NEB: variants seen among roughly 807,000 people sequenced by gnomAD.
The protein encoded by NEB is nemaline myopathy type 2.
In NEB, 512 loss-of-function variants were observed where a neutral mutation model predicts 952.2. The observed-to-expected ratio is 0.54, with a 90% confidence interval of 0.50 to 0.58. NEB has a LOEUF of 0.58. Among genes scored for constraint, NEB ranks in the 20% least tolerant of loss-of-function variants. The pLI, the probability that NEB is intolerant of heterozygous loss-of-function variation, is 0.00. For synonymous variants in NEB, 2,900 were observed against 3,149.8 expected, an observed-to-expected ratio of 0.92 and a Z score of 2.66; for missense variants, 8,428 against 9,231.1, an observed-to-expected ratio of 0.91 and a Z score of 3.56.
Position 151,562,627 on chromosome 2 carries a change from TG to T in NEB, c.18874del (p.Gln6292ArgfsTer4), listed in dbSNP as rs1256221365. The T allele has an allele frequency of 6.3e-7, 1 of 1,578,828 alleles. No individual in the cohort carries two copies. On this transcript the variant is annotated frameshift_variant, in exon 120 of 182. Transcript: ENST00000397345. LOFTEE classifies it high-confidence loss of function. ...ACATCATACATCACTCAAGATCTCC[TG>T]GGCGTTTCGGACGCGTATAACATTG... ...EPNVIRVRNAQEILSDNVYKD... is the reference protein window; with the variant it reads ...EPNVIRVRNAXEILSDNVYKD...
Position 151,646,684 on chromosome 2 carries a change from C to T in NEB, c.7432-450G>A, listed in dbSNP as rs980804456. On this transcript the variant is annotated intron_variant, in intron 54 of 181. Transcript: ENST00000397345. ...CATTATTTTGACACAGAGTCTTACA[C>T]TGCTGCCCAGGCTGGAGTGCAATGG... 6.6e-5 allele frequency among the ~76,000 whole-genome samples: 10 copies of T among 152,280 alleles called. No individual in the cohort carries two copies. In the East Asian group the frequency reaches 1.7e-3, roughly 26 times the overall value.
At chr2:151,656,089 C>A in intron 49 of NEB, 64 bp downstream of exon 49, 1 of 1,584,374 alleles carries the variant, frequency 6.3e-7, no homozygotes, top group African/African-American at 1.3e-5. Flanking sequence ...GGCATGTAAA[C>A]AGACTGTGAT....
chr2:151,491,653 T>C (rs751617027), intron 179 of NEB, 30 bp downstream of exon 179: 3 of 1,492,326 alleles, frequency 2.0e-6, no homozygotes, highest in South Asian at 1.2e-5. Context: ...TGGTGATGTT[T>C]ATGTTGTAAG....
chr2:151,535,509 T>C (rs539103036), intron 142 of NEB, among the ~76,000 whole-genome samples, 182 bp downstream of exon 142: 3 of 152,202 alleles, frequency 2.0e-5, no homozygotes, highest in South Asian at 2.1e-4. Context: ...CTTGTTCTTA[T>C]TTGTAGTTTG....
intron 144 of NEB, 48 bp downstream of exon 144, chr2:151,531,744 C>G (rs778422666): frequency 2.2e-6 from 3 of 1,387,018 alleles, no homozygotes; most frequent in Non-Finnish European, 3.0e-6. Flanking sequence ...TCCATGTTTG[C>G]AGATGCCCCC....
rs922194194 is a variant in NEB at position 151,688,475 on chromosome 2, T to C, written c.2311-79A>G. The C allele has an allele frequency of 3.7e-6, 4 of 1,082,812 alleles. No homozygotes were observed. In the African/African-American group the frequency reaches 6.2e-5, roughly 17 times the overall value. 67.1% of individuals were successfully genotyped at this position (1,082,812 alleles called of 1,614,324 possible). On this transcript the variant is annotated intron_variant, in intron 24 of 181. Coordinates refer to ENST00000397345, the MANE Select transcript of NEB (RefSeq NM_001164508.2). ...AGGGCAGCATATATAGCTAAGGCAT[T>C]AGTGCTGTTTTTAGAAAAATGCCTC...
intron 40 of NEB, 113 bp from the exon 41 acceptor site, chr2:151,666,514 C>A: frequency 2.9e-6 from 3 of 1,044,790 alleles, no homozygotes; most frequent in Non-Finnish European, 4.0e-6. Context: ...TAGGTAACAT[C>A]GAAGTTTTTT....
chr2:151,663,511 C>T, intron 45 of NEB, 37 bp downstream of exon 45: 1 of 1,555,754 alleles, frequency 6.4e-7, no homozygotes, highest in Non-Finnish European at 8.7e-7. Flanking sequence ...TGCTTATTAT[C>T]CAGAGTAAAC....
chr2:151,556,907 G>A (rs1156657977), intron 124 of NEB, among the ~76,000 whole-genome samples: 2 of 152,088 alleles, frequency 1.3e-5, no homozygotes, highest in African/African-American at 4.8e-5. Flanking sequence ...GCCCACAAGA[G>A]AAAGCAGGAA....
intron 9 of NEB, among the ~76,000 whole-genome samples, chr2:151,718,539 G>C (rs964938418): frequency 2.0e-5 from 3 of 152,086 alleles, no homozygotes; most frequent in African/African-American, 4.8e-5. Context: ...CTCTTTCATA[G>C]AGTGAAGAAA....
rs989035584 is a variant in NEB, at chr2:151,687,700, C to T, written c.2449G>A (p.Ala817Thr). The T allele has an allele frequency of 1.3e-6, 2 of 1,596,706 alleles. No homozygotes were observed. The highest frequency in any genetic ancestry group is 2.7e-5 in the African/African-American group (2 of 74,648). The change falls in exon 26 of 182, where the codon GCC becomes ACC. Residue 817 changes from alanine (A) to threonine (T), a missense_variant. Ala to Thr is a moderately conservative substitution (Grantham distance 58, BLOSUM62 0). This residue lies in a region of NEB where 2,851 missense variants were observed against 2,791.5 expected (regional missense o/e 1.02). Transcript: ENST00000397345. ...TCCACTTTAATGTCAAACTTCTTGG[C>T]TTTGCTCTTCTCCCAGTCTTGCTTA... ...VYKQDWEKSK[A>T]KKFDIKVDAI...
intron 174 of NEB, 71 bp from the exon 175 acceptor site, chr2:151,493,938 G>T: frequency 8.8e-7 from 1 of 1,138,984 alleles, no homozygotes; most frequent in Non-Finnish European, 1.2e-6. Context: ...TTGCAAGTTG[G>T]GGGGAAATGT....
intron 165 of NEB, 89 bp from the exon 166 acceptor site, chr2:151,503,530 C>T (rs2066375836): frequency 1.3e-6 from 1 of 795,514 alleles, no homozygotes; most frequent in African/African-American, 1.7e-5. Context: ...GGGGGAAACT[C>T]ATAAAAACAA....
chr2:151,520,838 T>C (rs184539578), intron 153 of NEB, among the ~76,000 whole-genome samples: 227 of 152,044 alleles, frequency 1.5e-3, no homozygotes, highest in Non-Finnish European at 2.2e-3. Context: ...CACTCCATCG[T>C]GGGCAACAGA....
intron 30 of NEB, among the ~76,000 whole-genome samples, chr2:151,680,299 G>A (rs1314348426): frequency 6.6e-6 from 1 of 151,932 alleles, no homozygotes; most frequent in African/African-American, 2.4e-5. Context: ...GTAATAGGGT[G>A]GAATACACCA....
rs541787991 is a variant in NEB, at chr2:151,504,812, TG to T, written c.23742+665del. On this transcript the variant is annotated intron_variant, in intron 165 of 181. Coordinates refer to ENST00000397345, the MANE Select transcript of NEB (RefSeq NM_001164508.2). ...AAATGTGCTAACCTGATATTTCAGG[TG>T]TGGGGGACACGTGCCCTGCAATAAA... Among the ~76,000 whole-genome samples the T allele has an allele frequency of 8.5e-5, 13 of 152,268 alleles. No homozygotes were observed. The South Asian group carries it at 2.5e-3, about 29-fold the overall frequency.
chr2:151,552,604 T>G lies in NEB; in HGVS notation c.19836+68A>C, dbSNP rs1276712693. On this transcript the variant is annotated intron_variant, in intron 128 of 181. Transcript: ENST00000397345. ...TTGGCACTGCCCAGTCTATGGTTTTTGCCACCTCTGCTTGAGTGGTGGCCC... is the reference window on the plus strand; with the variant it reads ...TTGGCACTGCCCAGTCTATGGTTTTGGCCACCTCTGCTTGAGTGGTGGCCC... 4 of 1,118,582 alleles carry G rather than the reference T, an allele frequency of 3.6e-6. No homozygotes were observed. In the African/African-American group the frequency reaches 6.1e-5, roughly 17 times the overall value. The allele number at this position is 1,118,582 out of a possible 1,614,324, so 69.3% of individuals were successfully genotyped here.
chr2:151,655,356 A>T lies in NEB; in HGVS notation c.6721T>A (p.Trp2241Arg). ...TMNKHLYTID[W>R]NKDKTKIHVM... ...TGAATCTTGGTCTTATCTTTATTCC[A>T]ATCAATGGTGTATAAATGCTAGGAA... Residue 2241 changes from tryptophan (W) to arginine (R), a missense_variant, in exon 51 of 182, where the codon TGG becomes AGG. Physicochemically the swap from Trp to Arg is moderately radical, Grantham distance 101. Coordinates refer to ENST00000397345, the MANE Select transcript of NEB (RefSeq NM_001164508.2). The T allele has an allele frequency of 6.3e-7, 1 of 1,589,006 alleles. No homozygotes were observed. The highest frequency in any genetic ancestry group is 8.6e-7 in the Non-Finnish European group (1 of 1,162,552).
At chr2:151,713,157 C>T (rs1034547308) in intron 10 of NEB, among the ~76,000 whole-genome samples, 1 of 152,028 alleles carries the variant, frequency 6.6e-6, no homozygotes, top group Non-Finnish European at 1.5e-5. Flanking sequence ...AACTGGGTAC[C>T]CTTTGTCTTG....
Sources: allele counts gnomAD v4.1 joint callset (sites outside exome capture counted in the v4.1 genomes callset), GRCh38; gene constraint gnomAD v4.1.1; regional missense constraint gnomAD v4.1.1; transcripts MANE v1.5; gene names NCBI Gene and HGNC (gene_info 2026-07-23, HGNC 2026-07-21).